CACNG2: variants seen among roughly 807,000 people sequenced by gnomAD.
CACNG2 encodes calcium voltage-gated channel auxiliary subunit gamma 2.
In CACNG2, 3 loss-of-function variants were observed where a neutral mutation model predicts 25.9. That is an observed-to-expected ratio of 0.12 (90% CI 0.05 to 0.30). The LOEUF (loss-of-function observed/expected upper bound fraction) is 0.30. Ranked by LOEUF, CACNG2 falls within the 10% of genes least tolerant of loss-of-function variation. The pLI is 1.00. For synonymous variants in CACNG2, 167 were observed against 173.3 expected, an observed-to-expected ratio of 0.96 and a Z score of 0.29; for missense variants, 341 against 432.5, an observed-to-expected ratio of 0.79 and a Z score of 1.88.
chr22:36,698,877 A>C (rs776456897), intron 1 of CACNG2, among the ~76,000 whole-genome samples: 4 of 152,180 alleles, frequency 2.6e-5, no homozygotes, highest in Non-Finnish European at 5.9e-5. Flanking sequence ...CATGGAGCCA[A>C]GACAGAGGGG....
intron 1 of CACNG2, among the ~76,000 whole-genome samples, chr22:36,652,651 A>G (rs1439108852): frequency 6.6e-6 from 1 of 152,074 alleles, no homozygotes; most frequent in Admixed American, 6.6e-5. Flanking sequence ...GTTTTGCTGG[A>G]TGACTCTTTT....
chr22:36,577,048 G>A (rs535512980), intron 2 of CACNG2, among the ~76,000 whole-genome samples: 21 of 152,206 alleles, frequency 1.4e-4, no homozygotes, highest in Admixed American at 1.3e-3. Context: ...AAAGGCTGCC[G>A]GAGTCCATCT....
chr22:36,589,792 C>T (rs1414931245), intron 1 of CACNG2, among the ~76,000 whole-genome samples: 1 of 152,134 alleles, frequency 6.6e-6, no homozygotes, highest in Non-Finnish European at 1.5e-5. Context: ...GCCTTGTCCC[C>T]TCCCTAGTAC....
At chr22:36,616,665 C>G (rs1396766668) in intron 1 of CACNG2, among the ~76,000 whole-genome samples, 1 of 152,084 alleles carries the variant, frequency 6.6e-6, no homozygotes, top group East Asian at 1.9e-4. Flanking sequence ...GTTCCCTATA[C>G]AGACCTGGGT....
chr22:36,654,110 G>T (rs949852801), intron 1 of CACNG2, among the ~76,000 whole-genome samples: 2 of 151,750 alleles, frequency 1.3e-5, no homozygotes, highest in African/African-American at 4.8e-5. Flanking sequence ...CAACCACTGT[G>T]GACAAAATCC....
Position 36,645,179 on chromosome 22 carries a change from C to A in CACNG2, c.211+57187G>T, listed in dbSNP as rs190198123. Reference sequence around the variant, plus strand: ...TTGGGGGTTGTTCAAAGCATACCCACACCTCTTGGCTCCCTCACAGGAATG... The same window carrying A: ...TTGGGGGTTGTTCAAAGCATACCCAAACCTCTTGGCTCCCTCACAGGAATG... On this transcript the variant is annotated intron_variant, in intron 1 of 3. Transcript: ENST00000300105. Among the ~76,000 whole-genome samples, 267 of 152,282 alleles carry A rather than the reference C, an allele frequency of 1.8e-3. 1 individual carries two copies. The highest frequency in any genetic ancestry group is 0.013 in the South Asian group (61 of 4,826).
chr22:36,672,654 C>T (rs561132430), intron 1 of CACNG2, among the ~76,000 whole-genome samples: 3 of 152,314 alleles, frequency 2.0e-5, no homozygotes, highest in South Asian at 2.1e-4. Flanking sequence ...TCTCAGTTCA[C>T]GAGGTCCGTT....
intron 1 of CACNG2, among the ~76,000 whole-genome samples, chr22:36,626,539 G>A (rs1936186068): frequency 6.6e-6 from 1 of 152,020 alleles, no homozygotes; most frequent in Non-Finnish European, 1.5e-5. Context: ...ATACTGTCAG[G>A]GTTTCATTGG....
At chr22:36,586,287 C>T (rs1348840390) in intron 2 of CACNG2, among the ~76,000 whole-genome samples, 5 of 152,244 alleles carry the variant, frequency 3.3e-5, no homozygotes, top group South Asian at 2.1e-4. Context: ...AGCCCCACCC[C>T]AGACACAGTC....
chr22:36,701,518 C>A (rs570234327), intron 1 of CACNG2, among the ~76,000 whole-genome samples: 4 of 152,000 alleles, frequency 2.6e-5, no homozygotes, highest in Non-Finnish European at 5.9e-5. Context: ...CCCACTCCCC[C>A]CTCAACCTCC....
chr22:36,584,436 G>GCAACAA (rs142760200), intron 2 of CACNG2: 1 of 152,320 alleles, frequency 6.6e-6, no homozygotes, highest in Non-Finnish European at 1.5e-5. Flanking sequence ...GCAAGATACA[G>GCAACAA]CAACAACAAC....
At chr22:36,680,826 G>A (rs146685022) in intron 1 of CACNG2, among the ~76,000 whole-genome samples, 136 of 139,356 alleles carry the variant, frequency 9.8e-4, no homozygotes, top group African/African-American at 3.4e-3. Flanking sequence ...CATGATTACT[G>A]CCACCTGCAT....
chr22:36,633,495 C>T (rs1021659838), intron 1 of CACNG2, among the ~76,000 whole-genome samples: 2 of 152,174 alleles, frequency 1.3e-5, no homozygotes, highest in Admixed American at 6.5e-5. Context: ...TACATGGGAA[C>T]GGATCCAAAC....
intron 2 of CACNG2, among the ~76,000 whole-genome samples, chr22:36,583,356 C>G (rs991333105): frequency 7.2e-5 from 11 of 151,740 alleles, no homozygotes; most frequent in Admixed American, 2.6e-4. Flanking sequence ...TTGCTTGAAC[C>G]CAGGAGGCAG....
At chr22:36,601,228 G>T (rs1221085211) in intron 1 of CACNG2, among the ~76,000 whole-genome samples, 1 of 151,792 alleles carries the variant, frequency 6.6e-6, no homozygotes, top group African/African-American at 2.4e-5. Context: ...TTTTGGTAAA[G>T]ATTCCACATA....
chr22:36,638,366 G>C (rs1036396580), intron 1 of CACNG2, among the ~76,000 whole-genome samples: 2 of 152,156 alleles, frequency 1.3e-5, no homozygotes, highest in Admixed American at 6.5e-5. Context: ...TTGAGGGCAC[G>C]AGGGACTGCA....
chr22:36,623,560 T>C (rs1936140059), intron 1 of CACNG2, among the ~76,000 whole-genome samples: 1 of 151,928 alleles, frequency 6.6e-6, no homozygotes, highest in Middle Eastern at 3.2e-3. Context: ...GAGCACCAAG[T>C]GAGTTAGTAC....
chr22:36,646,251 C>T (rs1403377172), intron 1 of CACNG2, among the ~76,000 whole-genome samples: 1 of 152,210 alleles, frequency 6.6e-6, no homozygotes, highest in South Asian at 2.1e-4. Flanking sequence ...AGGAAACTTA[C>T]CCCCTGTCCT....
At chr22:36,565,832 GT>G in intron 3 of CACNG2, among the ~76,000 whole-genome samples, 1 of 152,160 alleles carries the variant, frequency 6.6e-6, no homozygotes, top group Non-Finnish European at 1.5e-5. Context: ...CTACACCCAG[GT>G]TCTTTTTCTG....
Sources: gnomAD v4.1 joint callset for allele counts (sites outside exome capture counted in the v4.1 genomes callset) on GRCh38, gnomAD v4.1.1 for gene constraint, MANE v1.5 for transcripts, NCBI Gene and HGNC (gene_info 2026-07-23, HGNC 2026-07-21) for gene names.